The following CTNNBL1 variants were observed in gnomAD, a reference collection of about 807,000 sequenced individuals.
The protein encoded by CTNNBL1 is beta-catenin-like protein 1.
In CTNNBL1, 31 loss-of-function variants were observed where a neutral mutation model predicts 72.7. The ratio of observed to expected loss-of-function variants is 0.43; its 90% CI spans 0.32 to 0.58. The LOEUF (loss-of-function observed/expected upper bound fraction) is 0.58, where lower values mean the gene tolerates loss of function less well. Ranked by LOEUF, CTNNBL1 falls within the 20% of genes least tolerant of loss-of-function variation. CTNNBL1 has a pLI of 0.08. For synonymous variants in CTNNBL1, 240 were observed against 267.3 expected (o/e 0.90, Z 1.00); for missense variants, 534 against 725.1 (o/e 0.74, Z 3.03).
intron 13 of CTNNBL1, among the ~76,000 whole-genome samples, chr20:37,851,772 G>A (rs1381583904): frequency 1.3e-5 from 2 of 152,212 alleles, no homozygotes; most frequent in Admixed American, 1.3e-4. Context: ...CCGTGAAAGT[G>A]CTTAGCACGG....
intron 3 of CTNNBL1, among the ~76,000 whole-genome samples, chr20:37,737,970 C>T (rs1881231263): frequency 6.6e-6 from 1 of 152,204 alleles, no homozygotes; most frequent in African/African-American, 2.4e-5. Context: ...TGTTCAGTGC[C>T]CCGGGCTGAC....
chr20:37,862,618 G>A (rs2072500491), intron 15 of CTNNBL1, among the ~76,000 whole-genome samples: 1 of 152,168 alleles, frequency 6.6e-6, no homozygotes, highest in South Asian at 2.1e-4. Flanking sequence ...GCCTGGGCAA[G>A]CGAGCAGGTG....
intron 11 of CTNNBL1, among the ~76,000 whole-genome samples, chr20:37,822,806 A>C (rs1267150269): frequency 6.6e-6 from 1 of 152,192 alleles, no homozygotes; most frequent in Non-Finnish European, 1.5e-5. Context: ...AGGGGTGGTC[A>C]TGAATATTAA....
chr20:37,758,490 A>G (rs1293383360), intron 5 of CTNNBL1, among the ~76,000 whole-genome samples: 1 of 152,220 alleles, frequency 6.6e-6, no homozygotes, highest in African/African-American at 2.4e-5. Flanking sequence ...GACAGCTGAT[A>G]AAAGAGACTG....
At chr20:37,732,010 T>C (rs1333881829) in intron 1 of CTNNBL1, among the ~76,000 whole-genome samples, 4 of 152,222 alleles carry the variant, frequency 2.6e-5, no homozygotes, top group African/African-American at 9.6e-5. Flanking sequence ...CATGGCTGTA[T>C]TAATTTGTGT....
intron 10 of CTNNBL1, among the ~76,000 whole-genome samples, chr20:37,800,846 G>T (rs1179166244): frequency 6.6e-6 from 1 of 152,162 alleles, no homozygotes; most frequent in Non-Finnish European, 1.5e-5. Context: ...CCAGTCGCCT[G>T]TCTACAGTTC....
At chr20:37,776,186 C>T (rs2073571978) in intron 7 of CTNNBL1, among the ~76,000 whole-genome samples, 1 of 152,178 alleles carries the variant, frequency 6.6e-6, no homozygotes, top group African/African-American at 2.4e-5. Context: ...ACATTTAGCA[C>T]ATGTAAGACC....
chr20:37,801,690 T>A (rs1026419747), intron 10 of CTNNBL1, among the ~76,000 whole-genome samples: 2 of 152,186 alleles, frequency 1.3e-5, no homozygotes, highest in Non-Finnish European at 2.9e-5. Context: ...CAACTAGGAA[T>A]AGAAGAGAAC....
intron 11 of CTNNBL1, among the ~76,000 whole-genome samples, chr20:37,828,069 C>CT (rs1356435997): frequency 1.3e-5 from 2 of 152,236 alleles, no homozygotes; most frequent in East Asian, 3.9e-4. Context: ...TCAGTTACAC[C>CT]TTTTTATACA....
chr20:37,749,908 C>G (rs2073303392), intron 4 of CTNNBL1: 1 of 152,146 alleles, frequency 6.6e-6, no homozygotes, highest in Non-Finnish European at 1.5e-5. Flanking sequence ...TGTAACTGCC[C>G]AAAACACCTT....
chr20:37,736,688 G>C (rs1041518302), intron 2 of CTNNBL1, among the ~76,000 whole-genome samples: 3 of 151,896 alleles, frequency 2.0e-5, no homozygotes, highest in African/African-American at 7.2e-5. Context: ...CTACAGGCAT[G>C]TGCCTGTATT....
intron 10 of CTNNBL1, among the ~76,000 whole-genome samples, chr20:37,790,346 A>G (rs1051280498): frequency 2.0e-5 from 3 of 152,172 alleles, no homozygotes; most frequent in African/African-American, 7.2e-5. Flanking sequence ...TTTAAGAACT[A>G]GAGTCTTTTC....
chr20:37,871,261 C>G (rs1415672303), intron 15 of CTNNBL1, among the ~76,000 whole-genome samples: 1 of 152,176 alleles, frequency 6.6e-6, no homozygotes, highest in Non-Finnish European at 1.5e-5. Flanking sequence ...GAACCACTCA[C>G]CCAGAGCAGT....
At chr20:37,818,138 T>C (rs1478115057) in intron 11 of CTNNBL1, among the ~76,000 whole-genome samples, 1 of 152,222 alleles carries the variant, frequency 6.6e-6, no homozygotes, top group Non-Finnish European at 1.5e-5. Flanking sequence ...AACTGACTTC[T>C]TCCATGAGTT....
At chr20:37,844,502 A>G (rs2072330900) in intron 13 of CTNNBL1, among the ~76,000 whole-genome samples, 1 of 152,214 alleles carries the variant, frequency 6.6e-6, no homozygotes, top group Non-Finnish European at 1.5e-5. Context: ...TTCTAGATAG[A>G]GGTGCAACGG....
chr20:37,698,347 G>T (rs1046603181), intron 1 of CTNNBL1, among the ~76,000 whole-genome samples: 2 of 152,172 alleles, frequency 1.3e-5, no homozygotes, highest in Admixed American at 6.5e-5. Context: ...TCCCCACTTT[G>T]GTTAATTGGC....
chr20:37,705,599 G>T (rs1170142743), intron 1 of CTNNBL1, among the ~76,000 whole-genome samples: 1 of 152,138 alleles, frequency 6.6e-6, no homozygotes, highest in Non-Finnish European at 1.5e-5. Flanking sequence ...GTATAGAAAT[G>T]TTCACAGTAG....
intron 7 of CTNNBL1, among the ~76,000 whole-genome samples, chr20:37,770,553 G>A (rs1229450241): frequency 2.6e-5 from 4 of 151,642 alleles, no homozygotes; most frequent in Admixed American, 2.6e-4. Context: ...TTCTGCCAGA[G>A]TCTTTTTTTT....
rs772027227 is a variant in CTNNBL1, at chr20:37,860,026, A to G, written c.1520A>G (p.Asn507Ser). The G allele has an allele frequency of 2.0e-5, 32 of 1,614,066 alleles. No homozygotes were observed. Among genetic ancestry groups the G allele is most frequent in the Non-Finnish European group, 2.5e-5 (30 of 1,180,044 alleles). Residue 507 changes from asparagine to serine, a missense_variant, in exon 14 of 16, where the codon AAT becomes AGT. By Grantham distance (46) the Asn-to-Ser change is conservative. Coordinates refer to ENST00000361383, the MANE Select transcript of CTNNBL1 (RefSeq NM_030877.5). ...ATCATGGCCGAGATCTGCAATGCCA[A>G]TGTCCCCCAGGTAGGAGGGTCTTCC... is the stretch of plus-strand genomic sequence containing the variant. ...CYIMAEICNANVPQIRQRVHQ... is the reference protein window; with the variant it reads ...CYIMAEICNASVPQIRQRVHQ...
Sources: gnomAD v4.1 joint callset for allele counts (sites outside exome capture counted in the v4.1 genomes callset) on GRCh38, gnomAD v4.1.1 for gene constraint, MANE v1.5 for transcripts, NCBI Gene and HGNC (gene_info 2026-07-23, HGNC 2026-07-21) for gene names.